USP2: variants seen among roughly 807,000 people sequenced by gnomAD.
USP2 encodes ubiquitin specific peptidase 2, also known as ubiquitin carboxyl-terminal hydrolase 2.
A neutral mutation model predicts 72.0 loss-of-function variants in USP2; 33 were observed. The ratio of observed to expected loss-of-function variants is 0.46; its 90% CI spans 0.35 to 0.61. The LOEUF (loss-of-function observed/expected upper bound fraction) is 0.61, where lower values mean the gene tolerates loss of function less well. Ranked by LOEUF, USP2 falls within the 20% of genes least tolerant of loss-of-function variation. The probability of loss-of-function intolerance (pLI) is 0.01; values close to 1 mark genes in which losing one functional copy is unlikely to be tolerated. For synonymous variants in USP2, 296 were observed against 312.5 expected, an observed-to-expected ratio of 0.95 and a Z score of 0.56; for missense variants, 691 against 797.8, an observed-to-expected ratio of 0.87 and a Z score of 1.61.
In USP2 at chr11:119,358,767, G is replaced by A. The variant is rs1389211964; in HGVS notation, c.1237+6C>T. 5.0e-6 allele frequency: 8 copies of A among 1,613,982 alleles called. No homozygotes were observed. The highest frequency in any genetic ancestry group is 2.2e-5 in the East Asian group (1 of 44,890). ...AAAACAGGCATCTTCCCTTTCATGCGCTTACCCCCGATCCTACTGTCTTCC... is the reference window on the plus strand; with the variant it reads ...AAAACAGGCATCTTCCCTTTCATGCACTTACCCCCGATCCTACTGTCTTCC... On this transcript the variant is annotated splice_donor_region_variant and intron_variant, in intron 7 of 12. Transcript: ENST00000260187.
At chr11:119,356,960 G>A in intron 12 of USP2, 38 bp from the exon 13 acceptor site, 4 of 1,545,152 alleles carry the variant, frequency 2.6e-6, no homozygotes, top group Non-Finnish European at 2.6e-6. Flanking sequence ...GAGCGGGCAG[G>A]ACCGGGAGAC....
chr11:119,366,227 A>G (rs1003051037), intron 2 of USP2, among the ~76,000 whole-genome samples: 5 of 152,232 alleles, frequency 3.3e-5, no homozygotes, highest in Non-Finnish European at 5.9e-5. Flanking sequence ...AAGGACCTTA[A>G]GCCTAGAGAG....
intron 1 of USP2, chr11:119,380,933 C>G (rs1267906813): frequency 6.4e-6 from 1 of 156,096 alleles, no homozygotes; most frequent in Non-Finnish European, 1.4e-5. Flanking sequence ...AATGGGTTGG[C>G]TAGGGCTTCC....
At position 119,359,517 on chromosome 11, in the gene USP2, CAT is replaced by C. The variant is rs1950728747; in HGVS notation, c.949+18_949+19del. The C allele has an allele frequency of 1.2e-6, 2 of 1,613,242 alleles. No homozygotes were observed. The highest frequency in any genetic ancestry group is 1.7e-6 in the Non-Finnish European group (2 of 1,179,882). ...GAGCATCCGGGGGTAGGCAGGGGCA[CAT>C]GACAGAGGGCCTCTCACCTTCCACG... On this transcript the variant is annotated intron_variant, in intron 4 of 12. Transcript: ENST00000260187.
intron 2 of USP2, among the ~76,000 whole-genome samples, chr11:119,363,175 G>T (rs188577395): frequency 4.8e-4 from 73 of 152,350 alleles, no homozygotes; most frequent in African/African-American, 1.5e-3. Flanking sequence ...ACGGGAGCTG[G>T]TGCCTGTTAC....
chr11:119,359,166 C>T, intron 5 of USP2, 32 bp from the exon 6 acceptor site: 3 of 1,613,244 alleles, frequency 1.9e-6, no homozygotes. Context: ...TGAGCAACAC[C>T]TCTTGTCCTA....
At chr11:119,368,297 A>G (rs1591327438) in intron 2 of USP2, among the ~76,000 whole-genome samples, 1 of 152,164 alleles carries the variant, frequency 6.6e-6, no homozygotes, top group Non-Finnish European at 1.5e-5. Flanking sequence ...GTAAGGACAG[A>G]CCCCAGGATC....
intron 2 of USP2, 142 bp from the exon 3 acceptor site, chr11:119,360,376 G>T: frequency 3.6e-6 from 3 of 831,698 alleles, no homozygotes. Flanking sequence ...ACCCATCTAT[G>T]TACTTTGTAG....
At chr11:119,376,490 C>T (rs1223038769) in intron 1 of USP2, 2 of 872,642 alleles carry the variant, frequency 2.3e-6, no homozygotes, top group Admixed American at 6.2e-5. Context: ...TTACCCAGAG[C>T]TGGCAAGTAC....
At chr11:119,363,925 T>C in intron 2 of USP2, 6 of 878,016 alleles carry the variant, frequency 6.8e-6, no homozygotes, top group South Asian at 3.1e-5. Context: ...CGGCCGCAGC[T>C]CCTTGGCGAG....
rs1341368094 is a variant in USP2, at chr11:119,356,767, T to C, written c.*68A>G. The C allele has an allele frequency of 2.1e-6, 3 of 1,415,682 alleles. No homozygotes were observed. The highest frequency in any genetic ancestry group is 2.9e-6 in the Non-Finnish European group (3 of 1,051,952). The allele number at this position is 1,415,682 out of a possible 1,614,324, so 87.7% of individuals were successfully genotyped here. ...GTGTGTTGTTGTTGTTGTTTTGTTTTTGTCTTTTTAAAAAATTTAGGGAGC... is the reference window on the plus strand; with the variant it reads ...GTGTGTTGTTGTTGTTGTTTTGTTTCTGTCTTTTTAAAAAATTTAGGGAGC... On this transcript the variant is annotated 3_prime_UTR_variant, in exon 13 of 13. Transcript: ENST00000260187.
At chr11:119,369,474 TCCCCTGGGACAC>T (rs1439244168) in intron 2 of USP2, among the ~76,000 whole-genome samples, 1 of 152,110 alleles carries the variant, frequency 6.6e-6, no homozygotes, top group Non-Finnish European at 1.5e-5. Flanking sequence ...ATCCTGAGAA[TCCCCTGGGACAC>T]AGGATGTACT....
At chr11:119,373,715 C>T (rs1041593059) in intron 1 of USP2, among the ~76,000 whole-genome samples, 194 bp from the exon 2 acceptor site, 12 of 152,106 alleles carry the variant, frequency 7.9e-5, no homozygotes, top group African/African-American at 2.7e-4. Flanking sequence ...GTTCACACCT[C>T]GGTGAGAGTG....
intron 1 of USP2, 26 bp downstream of exon 1, chr11:119,381,447 C>T (rs1444561735): frequency 6.5e-7 from 1 of 1,535,786 alleles, no homozygotes; most frequent in Non-Finnish European, 8.7e-7. Context: ...ATCCCCCCTC[C>T]CGGATCCCCG....
chr11:119,360,253 T>C lies in USP2; in HGVS notation c.775-19A>G, dbSNP rs1200887504. The C allele has an allele frequency of 5.0e-6, 8 of 1,613,494 alleles. No individual in the cohort carries two copies. The African/African-American group carries it at 5.3e-5, about 11-fold the overall frequency. ...TAGAATTCTGTAAGCAAAGAACATA[T>C]GGCAATAAGGTGGAAGCAAAGATGC... On this transcript the variant is annotated intron_variant, in intron 2 of 12. Coordinates refer to ENST00000260187, the MANE Select transcript of USP2 (RefSeq NM_004205.5).
intron 2 of USP2, among the ~76,000 whole-genome samples, chr11:119,363,635 G>T (rs961485799): frequency 1.3e-5 from 2 of 151,778 alleles, no homozygotes; most frequent in African/African-American, 4.8e-5. Context: ...GGGGCAAGGG[G>T]GACTTCCTCG....
intron 1 of USP2, among the ~76,000 whole-genome samples, chr11:119,377,199 G>A (rs1951012637): frequency 6.6e-6 from 1 of 152,174 alleles, no homozygotes; most frequent in African/African-American, 2.4e-5. Context: ...TGCAGATGAG[G>A]AAGTTGGCGA....
At chr11:119,356,985 T>C (rs1950668007) in intron 12 of USP2, 63 bp from the exon 13 acceptor site, 20 of 1,531,876 alleles carry the variant, frequency 1.3e-5, no homozygotes, top group South Asian at 2.4e-5. Flanking sequence ...CGCCGGCTTC[T>C]TTCTGTGCCC....
At chr11:119,374,864 G>C (rs760221139) in intron 1 of USP2, among the ~76,000 whole-genome samples, 1 of 152,154 alleles carries the variant, frequency 6.6e-6, no homozygotes, top group African/African-American at 2.4e-5. Flanking sequence ...ACCTCTCTGA[G>C]CCCCAACTTC....
Sources: gnomAD v4.1 joint callset for allele counts (sites outside exome capture counted in the v4.1 genomes callset) on GRCh38, gnomAD v4.1.1 for gene constraint, MANE v1.5 for transcripts, NCBI Gene and HGNC (gene_info 2026-07-23, HGNC 2026-07-21) for gene names.